The following HACE1 variants were observed in gnomAD, a reference collection of about 807,000 sequenced individuals.
The protein encoded by HACE1 is E3 ubiquitin-protein ligase HACE1.
HACE1 carries 73 observed loss-of-function variants against 118.4 expected under a neutral mutation model. The ratio of observed to expected loss-of-function variants is 0.62; its 90% CI spans 0.51 to 0.75. HACE1 has a LOEUF of 0.75. Among genes scored for constraint, HACE1 ranks in the 30% least tolerant of loss-of-function variants. The pLI, the probability that HACE1 is intolerant of heterozygous loss-of-function variation, is 0.00. For synonymous variants in HACE1, 368 were observed against 374.8 expected (o/e 0.98, Z 0.21); for missense variants, 749 against 1,102.2 (o/e 0.68, Z 4.54).
chr6:104,843,352 G>A, intron 4 of HACE1, 54 bp from the exon 5 acceptor site: 1 of 829,914 alleles, frequency 1.2e-6, no homozygotes, highest in Non-Finnish European at 2.1e-6. Flanking sequence ...ATATGCAAAT[G>A]ACAATTAATT....
intron 11 of HACE1, among the ~76,000 whole-genome samples, chr6:104,790,341 AT>A (rs1333280879): frequency 6.6e-6 from 1 of 152,258 alleles, no homozygotes; most frequent in African/African-American, 2.4e-5. Flanking sequence ...TTAGCTTTGA[AT>A]TTTAGAGACA....
At chr6:104,815,869 T>C (rs9499981) in intron 6 of HACE1, among the ~76,000 whole-genome samples, 56,946 of 108,994 alleles carry the variant, frequency 0.52, 18,674 homozygotes, top group African/African-American at 0.79. Context: ...GGTCAGGAGT[T>C]TGAGACCAGC....
At chr6:104,821,866 T>A (rs754373075) in intron 6 of HACE1, among the ~76,000 whole-genome samples, 10 of 152,156 alleles carry the variant, frequency 6.6e-5, no homozygotes, top group Non-Finnish European at 1.3e-4. Flanking sequence ...AGTAACTCCC[T>A]ACTAAATAAC....
chr6:104,839,205 A>G (rs1276642981), intron 5 of HACE1, among the ~76,000 whole-genome samples: 2 of 152,224 alleles, frequency 1.3e-5, no homozygotes, highest in African/African-American at 4.8e-5. Flanking sequence ...CTGGACATTT[A>G]TCCCAATGTG....
intron 19 of HACE1, among the ~76,000 whole-genome samples, chr6:104,760,810 C>T (rs531377248): frequency 8.5e-5 from 13 of 152,248 alleles, no homozygotes; most frequent in South Asian, 4.1e-4. Context: ...ATTGTCTCAG[C>T]GCAAAATCTC....
intron 10 of HACE1, 115 bp downstream of exon 10, chr6:104,795,464 A>C (rs1783508192): frequency 1.3e-6 from 1 of 742,998 alleles, no homozygotes; most frequent in Admixed American, 2.0e-5. Context: ...GAAGTCAGCA[A>C]ATTTTTATAA....
chr6:104,812,046 G>A (rs1771680082), intron 6 of HACE1, among the ~76,000 whole-genome samples: 1 of 151,972 alleles, frequency 6.6e-6, no homozygotes, highest in African/African-American at 2.4e-5. Flanking sequence ...TACTAAGAGA[G>A]AGTACGCTAC....
chr6:104,840,081 T>C (rs1029636955), intron 5 of HACE1, among the ~76,000 whole-genome samples: 4 of 152,312 alleles, frequency 2.6e-5, no homozygotes, highest in African/African-American at 7.2e-5. Flanking sequence ...CTTACTGTAA[T>C]ATTATAGTAT....
At chr6:104,769,255 G>A (rs566399995) in intron 19 of HACE1, among the ~76,000 whole-genome samples, 13 of 151,912 alleles carry the variant, frequency 8.6e-5, no homozygotes, top group African/African-American at 1.9e-4. Context: ...GGCTTGTCTC[G>A]AACTCCTGGC....
At chr6:104,846,879 G>C (rs1012549930) in intron 4 of HACE1, among the ~76,000 whole-genome samples, 1 of 152,180 alleles carries the variant, frequency 6.6e-6, no homozygotes, top group Non-Finnish European at 1.5e-5. Flanking sequence ...AAATATTTAA[G>C]TATTGAATAT....
At chr6:104,854,044 C>T (rs192264975) in intron 1 of HACE1, among the ~76,000 whole-genome samples, 11 of 152,234 alleles carry the variant, frequency 7.2e-5, no homozygotes, top group African/African-American at 2.2e-4. Context: ...CTGTGCCTCC[C>T]GCAACTGAAA....
At position 104,784,542 on chromosome 6, in the gene HACE1, G is replaced by A. The variant is rs1582453570; in HGVS notation, c.1410-57C>T. The A allele has an allele frequency of 1.4e-5, 17 of 1,182,004 alleles. No homozygotes were observed. The East Asian group carries it at 3.5e-4, about 24-fold the overall frequency. 73.2% of individuals were successfully genotyped at this position (1,182,004 alleles called of 1,614,324 possible). Reference sequence around the variant, plus strand: ...AGGCAAAAGTTTGTGATATAATATAGCGAACTTGATAAATATATACTGAAC... The same window carrying A: ...AGGCAAAAGTTTGTGATATAATATAACGAACTTGATAAATATATACTGAAC... On this transcript the variant is annotated intron_variant, in intron 12 of 23. Transcript: ENST00000262903.
chr6:104,852,228 T>TGTGTGTGTGTGTGTGTGCGC (rs142463116), intron 2 of HACE1, 89 bp downstream of exon 2: 7 of 661,248 alleles, frequency 1.1e-5, no homozygotes, highest in Admixed American at 8.6e-5. Context: ...TGTGTGTGTG[T>TGTGTGTGTGTGTGTGTGCGC]GCGCGCGTGC....
chr6:104,744,497 C>G lies in HACE1; in HGVS notation c.2442+15G>C, dbSNP rs1291213904. ...GCAAAACTTAACTTCATTCTAAGCT[C>G]TAGAGAAATTTTACCTGAATAACTG... is the stretch of plus-strand genomic sequence containing the variant. On this transcript the variant is annotated intron_variant, in intron 21 of 23. Transcript: ENST00000262903. 7.4e-7 allele frequency: 1 copy of G among 1,359,018 alleles called. No individual in the cohort carries two copies. The highest frequency in any genetic ancestry group is 2.3e-5 in the East Asian group (1 of 43,644). 84.2% of individuals were successfully genotyped at this position (1,359,018 alleles called of 1,614,324 possible). A position where few individuals can be genotyped will look rare whatever the true frequency, so the allele number is the denominator to read the frequency against.
At chr6:104,741,855 C>T (rs1448347293) in intron 22 of HACE1, among the ~76,000 whole-genome samples, 1 of 148,238 alleles carries the variant, frequency 6.7e-6, no homozygotes, top group Admixed American at 6.7e-5. Flanking sequence ...ATCACCAAGT[C>T]AATCTTAAGC....
At chr6:104,844,350 T>TC (rs1775424659) in intron 4 of HACE1, among the ~76,000 whole-genome samples, 1 of 150,156 alleles carries the variant, frequency 6.7e-6, no homozygotes, top group Non-Finnish European at 1.5e-5. Context: ...AAACATTTTT[T>TC]TTTTTTTTTG....
chr6:104,737,820 C>A (rs1776093119), intron 22 of HACE1, among the ~76,000 whole-genome samples: 2 of 152,326 alleles, frequency 1.3e-5, no homozygotes, highest in African/African-American at 4.8e-5. Context: ...CTGGGTGGAG[C>A]CCACCACAGC....
chr6:104,797,166 C>G (rs1769747155), intron 7 of HACE1, 141 bp from the exon 8 acceptor site: 2 of 592,586 alleles, frequency 3.4e-6, no homozygotes, highest in Non-Finnish European at 5.8e-6. Context: ...TCTTCATAAT[C>G]ACAAAAACTT....
intron 11 of HACE1, chr6:104,785,898 T>C (rs1562366526): frequency 6.6e-6 from 1 of 152,420 alleles, no homozygotes; most frequent in East Asian, 1.9e-4. Context: ...TTACATATAA[T>C]TCCTAGAATT....
Sources: gnomAD v4.1 joint callset for allele counts (sites outside exome capture counted in the v4.1 genomes callset) on GRCh38, gnomAD v4.1.1 for gene constraint, MANE v1.5 for transcripts, NCBI Gene and HGNC (gene_info 2026-07-23, HGNC 2026-07-21) for gene names.